Variants in ATRNL1 observed in about 807,000 individuals in gnomAD.
The protein encoded by ATRNL1 is attractin like 1, also known as attractin-like protein 1.
ATRNL1 carries 95 observed loss-of-function variants against 182.7 expected under a neutral mutation model. That is an observed-to-expected ratio of 0.52 (90% CI 0.44 to 0.62). The LOEUF (loss-of-function observed/expected upper bound fraction) is 0.62, where lower values mean the gene tolerates loss of function less well. Among genes scored for constraint, ATRNL1 ranks in the 20% least tolerant of loss-of-function variants. The probability of loss-of-function intolerance (pLI) is 0.00; values close to 1 mark genes in which losing one functional copy is unlikely to be tolerated. For synonymous variants in ATRNL1, 576 were observed against 568.3 expected (o/e 1.01, Z -0.19); for missense variants, 1,471 against 1,679.5 (o/e 0.88, Z 2.17).
chr10:115,674,186 G>A (rs1022938308), intron 26 of ATRNL1, among the ~76,000 whole-genome samples: 1 of 151,962 alleles, frequency 6.6e-6, no homozygotes, highest in Non-Finnish European at 1.5e-5. Flanking sequence ...GCCCCTTGCA[G>A]TTATTTGAGG....
chr10:115,267,079 A>G (rs1851639587), intron 12 of ATRNL1, 74 bp downstream of exon 12: 1 of 1,053,048 alleles, frequency 9.5e-7, no homozygotes, highest in East Asian at 2.4e-5. Context: ...TCTTCTGCTT[A>G]TAAGAATTAC....
Position 115,331,205 on chromosome 10 carries a change from G to A in ATRNL1, c.3038-3077G>A, listed in dbSNP as rs545442935. Among the ~76,000 whole-genome samples the A allele has an allele frequency of 3.9e-5, 6 of 151,958 alleles. No homozygotes were observed. In the East Asian group the frequency reaches 5.8e-4, roughly 15 times the overall value. On this transcript the variant is annotated intron_variant, in intron 18 of 28. Coordinates refer to ENST00000355044, the MANE Select transcript of ATRNL1 (RefSeq NM_207303.4). ...CTCCCAAGTAGCTGGGACTACAGGC[G>A]CCCGCCACCAAGCCTGGCTAATTTT...
intron 28 of ATRNL1, among the ~76,000 whole-genome samples, chr10:115,860,483 G>A (rs1555103235): frequency 6.6e-6 from 1 of 152,070 alleles, no homozygotes; most frequent in East Asian, 1.9e-4. Flanking sequence ...CTGGTAAAAT[G>A]GAAAGGAAGC....
chr10:115,784,044 G>A (rs557878963), intron 27 of ATRNL1, among the ~76,000 whole-genome samples: 12 of 152,150 alleles, frequency 7.9e-5, no homozygotes, highest in East Asian at 3.9e-4. Flanking sequence ...AAAATGATTC[G>A]GAGTCAGAAC....
intron 18 of ATRNL1, among the ~76,000 whole-genome samples, chr10:115,323,433 C>CCCTCT (rs1854696747): frequency 7.2e-6 from 1 of 138,516 alleles, no homozygotes; most frequent in African/African-American, 2.7e-5. Context: ...CCCTCCCCTC[C>CCCTCT]CCTCCCCTTC....
intron 28 of ATRNL1, among the ~76,000 whole-genome samples, chr10:115,867,047 A>G (rs549604834): frequency 2.0e-5 from 3 of 152,346 alleles, no homozygotes; most frequent in Admixed American, 6.5e-5. Context: ...AACCTTTACC[A>G]TAATAAGTCT....
intron 28 of ATRNL1, among the ~76,000 whole-genome samples, chr10:115,886,501 C>A (rs112514720): frequency 3.3e-3 from 497 of 152,176 alleles, no homozygotes; most frequent in African/African-American, 0.011. Context: ...GCAACAAGAG[C>A]GAAACTGTCT....
At chr10:115,130,783 A>T (rs1281403903) in intron 5 of ATRNL1, among the ~76,000 whole-genome samples, 1 of 152,104 alleles carries the variant, frequency 6.6e-6, no homozygotes, top group Non-Finnish European at 1.5e-5. Flanking sequence ...TATCCATATT[A>T]TATTTGATTT....
intron 1 of ATRNL1, among the ~76,000 whole-genome samples, chr10:115,119,412 A>G (rs1474801534): frequency 6.6e-6 from 1 of 152,010 alleles, no homozygotes; most frequent in Non-Finnish European, 1.5e-5. Context: ...GTTTGCATAT[A>G]TAAGTATAGT....
chr10:115,470,734 T>C (rs1848270254), intron 24 of ATRNL1, among the ~76,000 whole-genome samples: 1 of 150,572 alleles, frequency 6.6e-6, no homozygotes, highest in African/African-American at 2.4e-5. Flanking sequence ...AAAATTTGTG[T>C]AACGAGGTTG....
At chr10:115,418,543 T>C (rs1845508018) in intron 20 of ATRNL1, among the ~76,000 whole-genome samples, 2 of 151,978 alleles carry the variant, frequency 1.3e-5, no homozygotes, top group South Asian at 4.1e-4. Context: ...TTAAAAATAA[T>C]AACAGAAAAC....
chr10:115,369,389 T>G (rs1857266118), intron 19 of ATRNL1, among the ~76,000 whole-genome samples: 1 of 151,730 alleles, frequency 6.6e-6, no homozygotes, highest in African/African-American at 2.4e-5. Flanking sequence ...GTGAGAGGGA[T>G]GAGGGATTCT....
At chr10:115,170,855 A>G (rs558181788) in intron 7 of ATRNL1, among the ~76,000 whole-genome samples, 182 bp from the exon 8 acceptor site, 5 of 151,942 alleles carry the variant, frequency 3.3e-5, no homozygotes, top group African/African-American at 1.2e-4. Flanking sequence ...CCCTTTTTGT[A>G]TATAAAAGCA....
At chr10:115,148,763 T>A in intron 5 of ATRNL1, among the ~76,000 whole-genome samples, 2 of 150,538 alleles carry the variant, frequency 1.3e-5, no homozygotes, top group Admixed American at 1.3e-4. Context: ...TTTTTTTTTT[T>A]TTCTTTCTAA....
At chr10:115,383,032 A>G (rs1417616522) in intron 19 of ATRNL1, among the ~76,000 whole-genome samples, 1 of 151,782 alleles carries the variant, frequency 6.6e-6, no homozygotes, top group Non-Finnish European at 1.5e-5. Context: ...TTTTATTTCT[A>G]GTTGAGTATT....
chr10:115,205,237 A>C (rs1398419298), intron 8 of ATRNL1, among the ~76,000 whole-genome samples: 3 of 151,962 alleles, frequency 2.0e-5, no homozygotes, highest in Non-Finnish European at 4.4e-5. Context: ...AGTGAGTTTT[A>C]TACTTTCATA....
At position 115,561,961 on chromosome 10, in the gene ATRNL1, C is replaced by G. The variant is rs150828551; in HGVS notation, c.3795+12425C>G. ...AAAACTGACACTTTGTAGTGTAATA[C>G]ACTCTGACAATTCCTTGCAATATTA... On this transcript the variant is annotated intron_variant, in intron 26 of 28. Transcript: ENST00000355044. 2.1e-3 allele frequency among the ~76,000 whole-genome samples: 326 copies of G among 152,218 alleles called. 5 individuals are homozygous for G. Among genetic ancestry groups the G allele is most frequent in the African/African-American group, 7.5e-3 (312 of 41,536 alleles).
At chr10:115,425,019 G>A (rs1845820541) in intron 20 of ATRNL1, among the ~76,000 whole-genome samples, 1 of 151,942 alleles carries the variant, frequency 6.6e-6, no homozygotes, top group Non-Finnish European at 1.5e-5. Flanking sequence ...CCAAGTTAGT[G>A]TTTTAAAGGA....
Position 115,559,807 on chromosome 10 carries a change from T to A in ATRNL1, c.3795+10271T>A, listed in dbSNP as rs189518782. On this transcript the variant is annotated intron_variant, in intron 26 of 28. Transcript: ENST00000355044. ...ATCTGGCATCATACTTAACTTTTTT[T>A]AAATCACTTATATCAGGAACAAGTC... Among the ~76,000 whole-genome samples, 540 of 152,286 alleles carry A rather than the reference T, an allele frequency of 3.5e-3. 1 individual carries two copies. Among genetic ancestry groups the A allele is most frequent in the Non-Finnish European group, 5.7e-3 (391 of 68,018 alleles).
Sources: allele counts gnomAD v4.1 joint callset (sites outside exome capture counted in the v4.1 genomes callset), GRCh38; gene constraint gnomAD v4.1.1; transcripts MANE v1.5; gene names NCBI Gene and HGNC (gene_info 2026-07-23, HGNC 2026-07-21).